The following SNTG1 variants were observed in gnomAD, a reference collection of about 807,000 sequenced individuals.
SNTG1 encodes the protein syntrophin gamma 1.
Under a neutral mutation model 74.7 loss-of-function variants are expected in SNTG1, and 39 were observed. The observed-to-expected ratio is 0.52, with a 90% CI of 0.40 to 0.68. The LOEUF (loss-of-function observed/expected upper bound fraction) is 0.68. Ranked by LOEUF, SNTG1 falls within the 30% of genes least tolerant of loss-of-function variation. SNTG1 has a pLI of 0.00. For synonymous variants in SNTG1, 254 were observed against 217.1 expected, an observed-to-expected ratio of 1.17 and a Z score of -1.49; for missense variants, 685 against 609.5, an observed-to-expected ratio of 1.12 and a Z score of -1.30.
At chr8:50,542,159 GTT>G (rs756982153) in intron 11 of SNTG1, among the ~76,000 whole-genome samples, 1 of 109,340 alleles carries the variant, frequency 9.1e-6, no homozygotes. Flanking sequence ...CTTTCTTTCT[GTT>G]TTTTTTTTTT....
chr8:50,056,464 A>C (rs1820031862), intron 1 of SNTG1, among the ~76,000 whole-genome samples: 1 of 152,140 alleles, frequency 6.6e-6, no homozygotes, highest in South Asian at 2.1e-4. Flanking sequence ...CACAGCAGAA[A>C]AGCTGTGGAG....
intron 9 of SNTG1, among the ~76,000 whole-genome samples, chr8:50,517,055 G>A (rs1342200281): frequency 5.3e-5 from 8 of 152,096 alleles, no homozygotes; most frequent in Admixed American, 2.0e-4. Flanking sequence ...GAAAGGTCGT[G>A]TTACCAACAA....
chr8:50,355,121 C>A (rs996644394), intron 2 of SNTG1, among the ~76,000 whole-genome samples: 3 of 152,146 alleles, frequency 2.0e-5, no homozygotes, highest in Non-Finnish European at 4.4e-5. Flanking sequence ...TTCACTCCTA[C>A]ACTATTTCCT....
chr8:50,640,555 C>G (rs1371307762), intron 13 of SNTG1, among the ~76,000 whole-genome samples: 1 of 152,176 alleles, frequency 6.6e-6, no homozygotes, highest in East Asian at 1.9e-4. Context: ...TGTACACATT[C>G]AATCCAATTC....
At chr8:50,076,029 T>C (rs772653558) in intron 1 of SNTG1, among the ~76,000 whole-genome samples, 1 of 152,188 alleles carries the variant, frequency 6.6e-6, no homozygotes, top group Non-Finnish European at 1.5e-5. Context: ...TAACAGATCA[T>C]ACAAGGTGCA....
intron 8 of SNTG1, among the ~76,000 whole-genome samples, chr8:50,483,370 A>G (rs1464695480): frequency 6.6e-6 from 1 of 152,008 alleles, no homozygotes; most frequent in East Asian, 1.9e-4. Context: ...CCATTTTTTA[A>G]TACATTATAT....
At chr8:50,357,332 C>G (rs1044626477) in intron 2 of SNTG1, among the ~76,000 whole-genome samples, 3 of 152,200 alleles carry the variant, frequency 2.0e-5, no homozygotes, top group African/African-American at 7.2e-5. Flanking sequence ...TCAACAATTG[C>G]CAAGTCCAAC....
intron 13 of SNTG1, among the ~76,000 whole-genome samples, chr8:50,629,154 G>A (rs2094978217): frequency 6.6e-6 from 1 of 152,118 alleles, no homozygotes. Context: ...TGCACAGCAT[G>A]AGGACTATAC....
intron 2 of SNTG1, among the ~76,000 whole-genome samples, chr8:50,358,536 A>G (rs1260051215): frequency 1.3e-5 from 2 of 152,210 alleles, no homozygotes; most frequent in Non-Finnish European, 2.9e-5. Context: ...AATATTTCAG[A>G]TAAGTTTGCA....
At chr8:50,520,077 T>G (rs2130137415) in intron 9 of SNTG1, among the ~76,000 whole-genome samples, 1 of 152,292 alleles carries the variant, frequency 6.6e-6, no homozygotes, top group South Asian at 2.1e-4. Context: ...GGCATGGTAC[T>G]GGTAACAAAA....
intron 8 of SNTG1, among the ~76,000 whole-genome samples, chr8:50,462,422 C>T (rs1052522733): frequency 6.6e-6 from 1 of 151,688 alleles, no homozygotes; most frequent in African/African-American, 2.4e-5. Context: ...TGACTACTGA[C>T]TGATTAGAGT....
At chr8:50,519,824 A>T (rs1374984780) in intron 9 of SNTG1, among the ~76,000 whole-genome samples, 1 of 152,220 alleles carries the variant, frequency 6.6e-6, no homozygotes, top group East Asian at 1.9e-4. Context: ...AATTTGAAAA[A>T]CATTCCATGT....
chr8:50,586,782 G>A (rs1239408380), intron 12 of SNTG1, among the ~76,000 whole-genome samples: 1 of 151,796 alleles, frequency 6.6e-6, no homozygotes, highest in Non-Finnish European at 1.5e-5. Context: ...TGAAAAATGT[G>A]TATTCTGGGG....
chr8:50,480,268 T>C (rs747372230), intron 8 of SNTG1, among the ~76,000 whole-genome samples: 1 of 152,000 alleles, frequency 6.6e-6, no homozygotes, highest in African/African-American at 2.4e-5. Flanking sequence ...TCATCGTCTT[T>C]TTCTTTTTTG....
chr8:50,126,536 G>A (rs1349182196), intron 1 of SNTG1, among the ~76,000 whole-genome samples: 2 of 151,824 alleles, frequency 1.3e-5, no homozygotes, highest in Non-Finnish European at 2.9e-5. Context: ...TGAGAAGATA[G>A]AGATTTACAA....
Position 50,145,525 on chromosome 8 carries a change from C to T in SNTG1, c.-102-27036C>T, listed in dbSNP as rs188513887. On this transcript the variant is annotated intron_variant, in intron 1 of 18. Coordinates refer to ENST00000642720, the MANE Select transcript of SNTG1 (RefSeq NM_018967.5). ...AGCCTACTAATGTGAATTTTGGGCC[C>T]TTTTGTAGACTTACTCAAGATGAAA... Among the ~76,000 whole-genome samples the T allele has an allele frequency of 9.9e-5, 15 of 152,156 alleles. No homozygotes were observed. In the East Asian group the frequency reaches 2.7e-3, roughly 27 times the overall value.
At chr8:50,760,633 T>C (rs1403840994) in intron 18 of SNTG1, among the ~76,000 whole-genome samples, 1 of 151,504 alleles carries the variant, frequency 6.6e-6, no homozygotes, top group Non-Finnish European at 1.5e-5. Context: ...CTAGTCAGAC[T>C]AATAAAGAAG....
chr8:50,370,728 C>T (rs901766833), intron 2 of SNTG1, among the ~76,000 whole-genome samples: 2 of 152,032 alleles, frequency 1.3e-5, no homozygotes, highest in African/African-American at 2.4e-5. Context: ...TATAACTAGA[C>T]CCAAGTCCCA....
At chr8:49,987,662 T>TC (rs1215857250) in intron 1 of SNTG1, among the ~76,000 whole-genome samples, 5 of 151,128 alleles carry the variant, frequency 3.3e-5, no homozygotes, top group Non-Finnish European at 5.9e-5. Flanking sequence ...TTTTTTTTTT[T>TC]TTTTGAAACG....
Sources: gnomAD v4.1 joint callset for allele counts (sites outside exome capture counted in the v4.1 genomes callset) on GRCh38, gnomAD v4.1.1 for gene constraint, MANE v1.5 for transcripts, NCBI Gene and HGNC (gene_info 2026-07-23, HGNC 2026-07-21) for gene names.